The following ADAM29 variants were observed in gnomAD, a reference collection of about 807,000 sequenced individuals.
The protein encoded by ADAM29 is disintegrin and metalloproteinase domain-containing protein 29.
For missense variants in ADAM29, 969 were observed against 1,001.8 expected, an observed-to-expected ratio of 0.97 and a Z score of 0.44; for synonymous variants, 367 against 342.3, an observed-to-expected ratio of 1.07 and a Z score of -0.80.
chr4:174,925,291 T>C (rs540237239), intron 2 of ADAM29, among the ~76,000 whole-genome samples: 1 of 152,330 alleles, frequency 6.6e-6, no homozygotes, highest in East Asian at 1.9e-4. Flanking sequence ...TTGTGAAACA[T>C]GTATTATATA....
chr4:174,935,705 C>T (rs767147790), intron 3 of ADAM29, among the ~76,000 whole-genome samples: 18 of 152,000 alleles, frequency 1.2e-4, no homozygotes, highest in Admixed American at 2.6e-4. Flanking sequence ...TTTACTCTTT[C>T]CTTCAAATAC....
intron 4 of ADAM29, among the ~76,000 whole-genome samples, chr4:174,965,306 C>T (rs530441129): frequency 1.3e-5 from 2 of 152,072 alleles, no homozygotes; most frequent in South Asian, 4.1e-4. Flanking sequence ...TGAGAAATAA[C>T]CCATTCTCTT....
intron 4 of ADAM29, among the ~76,000 whole-genome samples, chr4:174,959,040 A>C (rs1745663500): frequency 6.6e-6 from 1 of 151,988 alleles, no homozygotes; most frequent in Non-Finnish European, 1.5e-5. Context: ...AAGACAAATA[A>C]AATATTTCAC....
chr4:174,968,938 C>A (rs1031283856), intron 4 of ADAM29, among the ~76,000 whole-genome samples: 1 of 151,980 alleles, frequency 6.6e-6, no homozygotes, highest in Non-Finnish European at 1.5e-5. Flanking sequence ...TACATTTAAA[C>A]TCACATAAAT....
At chr4:174,933,043 G>A (rs1321150426) in intron 3 of ADAM29, among the ~76,000 whole-genome samples, 1 of 151,290 alleles carries the variant, frequency 6.6e-6, no homozygotes, top group African/African-American at 2.4e-5. Flanking sequence ...GCAGAGAGTG[G>A]AAGTTAAGGA....
intron 4 of ADAM29, among the ~76,000 whole-genome samples, chr4:174,952,777 G>A (rs187182676): frequency 1.2e-4 from 18 of 152,128 alleles, no homozygotes; most frequent in African/African-American, 4.3e-4. Flanking sequence ...TGCAAAGACT[G>A]TCTGCAGATG....
intron 4 of ADAM29, among the ~76,000 whole-genome samples, chr4:174,938,495 G>C (rs955826817): frequency 1.3e-5 from 2 of 152,094 alleles, no homozygotes; most frequent in Non-Finnish European, 2.9e-5. Flanking sequence ...AAAAACTTCT[G>C]TATATACAAA....
intron 4 of ADAM29, among the ~76,000 whole-genome samples, chr4:174,961,499 G>T (rs943247158): frequency 3.3e-5 from 5 of 151,958 alleles, no homozygotes; most frequent in Admixed American, 1.3e-4. Context: ...AATGCTTTTA[G>T]TAATCATTTC....
Position 174,975,968 on chromosome 4 carries a change from T to C in ADAM29, c.443T>C (p.Leu148Pro). The change falls in exon 5 of 5, where the codon CTG becomes CCG. Residue 148 changes from leucine to proline, a missense_variant. Coordinates refer to ENST00000359240, the MANE Select transcript of ADAM29 (RefSeq NM_014269.4). ...PLAFSTTFEH[L>P]VYKMDSEEKQ... ...GCATTTTCTACCACGTTTGAACATCTGGTATACAAGATGGACAGTGAGGAG... is the reference window on the plus strand; with the variant it reads ...GCATTTTCTACCACGTTTGAACATCCGGTATACAAGATGGACAGTGAGGAG... 1 of 1,614,130 alleles carries C rather than the reference T, an allele frequency of 6.2e-7. No homozygotes were observed. Among genetic ancestry groups the C allele is most frequent in the Non-Finnish European group, 8.5e-7 (1 of 1,180,012 alleles).
Position 174,941,111 on chromosome 4 carries a change from AATTAAGG to A in ADAM29, c.-181+4103_-181+4109del, listed in dbSNP as rs1162212265. Reference sequence around the variant, plus strand: ...TCCATTTGTACAAATAAGCCTGTTAAATTAAGGATTATAGATGGTATAAAAAAGAAGA... The same window carrying A: ...TCCATTTGTACAAATAAGCCTGTTAAATTATAGATGGTATAAAAAAGAAGA... On this transcript the variant is annotated intron_variant, in intron 4 of 4. Transcript: ENST00000359240. Among the ~76,000 whole-genome samples the A allele has an allele frequency of 1.7e-4, 26 of 152,304 alleles. 1 individual carries two copies. The highest frequency in any genetic ancestry group is 1.8e-4 in the Non-Finnish European group (12 of 68,030).
At chr4:174,930,536 G>A (rs1743802864) in intron 2 of ADAM29, among the ~76,000 whole-genome samples, 1 of 151,848 alleles carries the variant, frequency 6.6e-6, no homozygotes, top group South Asian at 2.1e-4. Context: ...ATCAAAACTT[G>A]GAATGTCATA....
At chr4:174,922,157 C>G (rs1743198596) in intron 2 of ADAM29, among the ~76,000 whole-genome samples, 1 of 152,064 alleles carries the variant, frequency 6.6e-6, no homozygotes, top group Non-Finnish European at 1.5e-5. Flanking sequence ...AGGTCTGTCA[C>G]CAGGAACATT....
In ADAM29 at chr4:174,920,150, C is replaced by G. The variant is rs142735743; in HGVS notation, c.-556-537C>G. 7.2e-3 allele frequency among the ~76,000 whole-genome samples: 1,099 copies of G among 152,266 alleles called. 12 individuals carry two copies. Among genetic ancestry groups the G allele is most frequent in the African/African-American group, 0.025 (1,038 of 41,564 alleles). On this transcript the variant is annotated intron_variant, in intron 1 of 4. Coordinates refer to ENST00000359240, the MANE Select transcript of ADAM29 (RefSeq NM_014269.4). ...AACAAGTCAAATATCTCTTCCATCTCAACAAACCAGTATCATGCAACTATT... is the reference window on the plus strand; with the variant it reads ...AACAAGTCAAATATCTCTTCCATCTGAACAAACCAGTATCATGCAACTATT...
At chr4:174,933,201 C>T (rs1257600714) in intron 3 of ADAM29, among the ~76,000 whole-genome samples, 1 of 152,128 alleles carries the variant, frequency 6.6e-6, no homozygotes, top group Non-Finnish European at 1.5e-5. Flanking sequence ...AATAGGATCC[C>T]AGCAGAGGAC....
intron 1 of ADAM29, among the ~76,000 whole-genome samples, chr4:174,920,086 A>G (rs1271378117): frequency 1.3e-5 from 2 of 152,186 alleles, no homozygotes; most frequent in Non-Finnish European, 2.9e-5. Flanking sequence ...AGCCTGCGTC[A>G]TCATGAATCA....
chr4:174,920,262 C>T (rs972557064), intron 1 of ADAM29, among the ~76,000 whole-genome samples: 2 of 152,180 alleles, frequency 1.3e-5, no homozygotes, highest in African/African-American at 4.8e-5. Context: ...AACAGTTTTA[C>T]TTTCTACCTT....
chr4:174,935,519 CT>C (rs1744154766), intron 3 of ADAM29, among the ~76,000 whole-genome samples: 1 of 151,860 alleles, frequency 6.6e-6, no homozygotes, highest in Non-Finnish European at 1.5e-5. Flanking sequence ...GATTTTTTTG[CT>C]TGTTTATTTT....
intron 4 of ADAM29, among the ~76,000 whole-genome samples, chr4:174,963,682 GT>G (rs543013212): frequency 1.9e-3 from 233 of 125,258 alleles, no homozygotes; most frequent in African/African-American, 6.8e-3. Context: ...AATAGTAAAG[GT>G]TTTTTTATTT....
At chr4:174,922,921 T>C (rs1743248864) in intron 2 of ADAM29, among the ~76,000 whole-genome samples, 2 of 151,996 alleles carry the variant, frequency 1.3e-5, no homozygotes, top group South Asian at 4.2e-4. Flanking sequence ...CACTATTTCC[T>C]ATACTCAAAC....
Sources: allele counts gnomAD v4.1 joint callset (sites outside exome capture counted in the v4.1 genomes callset), GRCh38; gene constraint gnomAD v4.1.1; transcripts MANE v1.5; gene names NCBI Gene and HGNC (gene_info 2026-07-23, HGNC 2026-07-21).